Variants in NBEA observed in about 807,000 individuals in gnomAD.
NBEA encodes lysosomal-trafficking regulator 2.
Under a neutral mutation model 343.4 loss-of-function variants are expected in NBEA, and 44 were observed. The ratio of observed to expected loss-of-function variants is 0.13; its 90% confidence interval spans 0.10 to 0.16. NBEA has a LOEUF of 0.16. Among genes scored for constraint, NBEA ranks in the 10% least tolerant of loss-of-function variants. The pLI, the probability that NBEA is intolerant of heterozygous loss-of-function variation, is 1.00. For synonymous variants in NBEA, 1,175 were observed against 1,238.7 expected (o/e 0.95, Z 1.08); for missense variants, 2,555 against 3,631.3 (o/e 0.70, Z 7.62).
At chr13:35,041,604 A>G (rs1298653308) in intron 2 of NBEA, among the ~76,000 whole-genome samples, 2 of 152,062 alleles carry the variant, frequency 1.3e-5, no homozygotes, top group African/African-American at 2.4e-5. Flanking sequence ...AAAGCCTTAT[A>G]TAAGCATGGT....
At chr13:35,591,229 G>T (rs976858206) in intron 46 of NBEA, among the ~76,000 whole-genome samples, 5 of 151,974 alleles carry the variant, frequency 3.3e-5, no homozygotes, top group African/African-American at 1.2e-4. Context: ...CCAAGATAGA[G>T]AAATAGTTCC....
intron 30 of NBEA, among the ~76,000 whole-genome samples, chr13:35,184,384 A>G (rs2071539406): frequency 6.6e-6 from 1 of 152,078 alleles, no homozygotes; most frequent in Non-Finnish European, 1.5e-5. Flanking sequence ...TGAGCCTAAT[A>G]TAAAGGCTAC....
chr13:35,005,214 A>AG (rs1306662551), intron 1 of NBEA, among the ~76,000 whole-genome samples: 9 of 135,054 alleles, frequency 6.7e-5, no homozygotes, highest in Non-Finnish European at 1.2e-4. Flanking sequence ...GGCACAGGGC[A>AG]GATTTTTTTT....
chr13:35,164,995 G>T (rs2069877223), intron 24 of NBEA: 2 of 474,622 alleles, frequency 4.2e-6, no homozygotes, highest in Non-Finnish European at 8.5e-6. Flanking sequence ...TATTTTAGTT[G>T]TCATTAAAAA....
rs113294797 is a variant in NBEA, at chr13:35,004,237, C to G, written c.295-36696C>G. 9.0e-3 allele frequency among the ~76,000 whole-genome samples: 1,373 copies of G among 152,236 alleles called. 22 individuals carry two copies. The highest frequency in any genetic ancestry group is 0.031 in the African/African-American group (1,297 of 41,528). ...CTATTGTGAATAGTGCTGCAGTGCA[C>G]ACACGTGTGCATGTATTTTTGTAAT... On this transcript the variant is annotated intron_variant, in intron 1 of 58. Coordinates refer to ENST00000379939, the MANE Select transcript of NBEA (RefSeq NM_001385012.1).
chr13:35,313,617 G>T (rs868572581), intron 36 of NBEA, among the ~76,000 whole-genome samples: 3 of 152,172 alleles, frequency 2.0e-5, no homozygotes, highest in Admixed American at 1.3e-4. Context: ...GTGTGCTAAA[G>T]AAGCTGGGTG....
At chr13:35,341,957 CA>C (rs1367172740) in intron 36 of NBEA, among the ~76,000 whole-genome samples, 1 of 152,012 alleles carries the variant, frequency 6.6e-6, no homozygotes, top group Non-Finnish European at 1.5e-5. Context: ...TAAGTGGAAA[CA>C]ACCCAAATGT....
At chr13:35,362,101 TG>T (rs1477043794) in intron 38 of NBEA, among the ~76,000 whole-genome samples, 1 of 151,984 alleles carries the variant, frequency 6.6e-6, no homozygotes, top group East Asian at 1.9e-4. Context: ...GTTTTATAGG[TG>T]ATTATTCAGT....
rs565609853 is a variant in NBEA at position 35,294,499 on chromosome 13, G to GT, written c.5838+4055dup. Among the ~76,000 whole-genome samples the GT allele has an allele frequency of 1.2e-4, 19 of 152,098 alleles. No individual in the cohort carries two copies. In the East Asian group the frequency reaches 1.9e-3, roughly 16 times the overall value. ...TAAGGAAACCAGGGATGGAGTAGAT[G>GT]TTTTTTCCCCGTTGTCTTTGGAAAT... On this transcript the variant is annotated intron_variant, in intron 35 of 58. Coordinates refer to ENST00000379939, the MANE Select transcript of NBEA (RefSeq NM_001385012.1).
At chr13:34,961,050 A>G (rs1462567056) in intron 1 of NBEA, among the ~76,000 whole-genome samples, 1 of 152,080 alleles carries the variant, frequency 6.6e-6, no homozygotes, top group African/African-American at 2.4e-5. Context: ...GGATATAGAC[A>G]TTTACAACAG....
intron 34 of NBEA, chr13:35,251,453 C>G: frequency 9.5e-7 from 1 of 1,057,978 alleles, no homozygotes; most frequent in Non-Finnish European, 1.1e-6. Flanking sequence ...GAGAACTTAT[C>G]ACTCAGAGAG....
chr13:35,170,113 A>G (rs1229788932), intron 25 of NBEA, among the ~76,000 whole-genome samples: 2 of 151,516 alleles, frequency 1.3e-5, no homozygotes, highest in East Asian at 3.9e-4. Context: ...TTTATTACCC[A>G]CTTTGTGCAC....
chr13:35,236,592 G>A (rs1185766472), intron 34 of NBEA, among the ~76,000 whole-genome samples: 1 of 151,528 alleles, frequency 6.6e-6, no homozygotes, highest in African/African-American at 2.4e-5. Context: ...GACTGCAGGT[G>A]CCTGCCACCA....
Position 35,422,916 on chromosome 13 carries a change from T to C in NBEA, c.6180-9353T>C, listed in dbSNP as rs568552426. On this transcript the variant is annotated intron_variant, in intron 38 of 58. Transcript: ENST00000379939. ...ATGGCCAGTGATGATGAGCATTTTT[T>C]CATGTGTCTTTTGGCTGCATAAATG... Among the ~76,000 whole-genome samples the C allele has an allele frequency of 4.8e-3, 729 of 152,364 alleles. 1 individual carries two copies. The highest frequency in any genetic ancestry group is 6.8e-3 in the Middle Eastern group (2 of 294).
At chr13:35,473,668 A>C (rs1243896861) in intron 41 of NBEA, among the ~76,000 whole-genome samples, 1 of 152,176 alleles carries the variant, frequency 6.6e-6, no homozygotes, top group Non-Finnish European at 1.5e-5. Flanking sequence ...AAATAACTTA[A>C]ATTTTGTGTT....
intron 41 of NBEA, among the ~76,000 whole-genome samples, chr13:35,546,980 TA>T (rs950184838): frequency 2.0e-5 from 3 of 151,770 alleles, no homozygotes; most frequent in South Asian, 2.1e-4. Context: ...TGGTTTGCTA[TA>T]AAAAAAAGAA....
chr13:35,543,201 CTT>C (rs2078912748), intron 41 of NBEA, among the ~76,000 whole-genome samples: 1 of 152,098 alleles, frequency 6.6e-6, no homozygotes, highest in Non-Finnish European at 1.5e-5. Flanking sequence ...AAATTCATCT[CTT>C]AATGGGATGA....
intron 17 of NBEA, among the ~76,000 whole-genome samples, chr13:35,124,808 A>G (rs2067028145): frequency 6.6e-6 from 1 of 151,112 alleles, no homozygotes; most frequent in Non-Finnish European, 1.5e-5. Flanking sequence ...ATGGATATAT[A>G]TACACACACA....
At chr13:34,961,662 A>G (rs942780195) in intron 1 of NBEA, among the ~76,000 whole-genome samples, 1 of 152,116 alleles carries the variant, frequency 6.6e-6, no homozygotes, top group Non-Finnish European at 1.5e-5. Context: ...CCTGGAGTTT[A>G]TAGAGTTGTA....
Sources: allele counts gnomAD v4.1 joint callset (sites outside exome capture counted in the v4.1 genomes callset), GRCh38; gene constraint gnomAD v4.1.1; transcripts MANE v1.5; gene names NCBI Gene and HGNC (gene_info 2026-07-23, HGNC 2026-07-21).